TLN2: variants seen among roughly 807,000 people sequenced by gnomAD.
The protein encoded by TLN2 is talin-2.
In TLN2, 118 loss-of-function variants were observed where a neutral mutation model predicts 294.7. The observed-to-expected ratio is 0.40, with a 90% CI of 0.34 to 0.47. The LOEUF (loss-of-function observed/expected upper bound fraction) is 0.47. Ranked by LOEUF, TLN2 falls within the 20% of genes least tolerant of loss-of-function variation. TLN2 has a pLI of 0.84. For synonymous variants in TLN2, 1,431 were observed against 1,304.5 expected, an observed-to-expected ratio of 1.10 and a Z score of -2.09; for missense variants, 3,083 against 3,282.2, an observed-to-expected ratio of 0.94 and a Z score of 1.48.
intron 32 of TLN2, among the ~76,000 whole-genome samples, chr15:62,744,589 C>T (rs1046054418): frequency 1.3e-5 from 2 of 151,920 alleles, no homozygotes; most frequent in Non-Finnish European, 2.9e-5. Context: ...CTCCGTCGCC[C>T]AGGCTGGAGT....
chr15:62,725,162 T>C (rs999345286), intron 27 of TLN2, 58 bp downstream of exon 27: 29 of 1,550,098 alleles, frequency 1.9e-5, no homozygotes, highest in South Asian at 3.6e-5. Flanking sequence ...CGTTATTAAA[T>C]TGTTTGTTGT....
chr15:62,799,459 G>GA (rs2065772393), intron 48 of TLN2, among the ~76,000 whole-genome samples: 1 of 152,198 alleles, frequency 6.6e-6, no homozygotes, highest in Admixed American at 6.5e-5. Context: ...CCGGCACTTT[G>GA]AAAAGATGAT....
rs576618893 is a variant in TLN2, at chr15:62,488,681, A to G, written c.-238+97996A>G. 7.2e-5 allele frequency among the ~76,000 whole-genome samples: 11 copies of G among 152,326 alleles called. No individual in the cohort carries two copies. In the South Asian group the frequency reaches 2.3e-3, roughly 32 times the overall value. Reference sequence around the variant, plus strand: ...AAACGGAAAGCCTTTATAATGTAATATTACTGCCTGAGTGATTATTTTCAG... The same window carrying G: ...AAACGGAAAGCCTTTATAATGTAATGTTACTGCCTGAGTGATTATTTTCAG... On this transcript the variant is annotated intron_variant, in intron 1 of 58. Coordinates refer to ENST00000636159, the MANE Select transcript of TLN2 (RefSeq NM_015059.3).
chr15:62,746,868 A>G (rs1167468763), intron 32 of TLN2, among the ~76,000 whole-genome samples: 1 of 152,178 alleles, frequency 6.6e-6, no homozygotes, highest in African/African-American at 2.4e-5. Flanking sequence ...TCTGCTGCTT[A>G]TTTGTAGCAT....
At chr15:62,703,129 G>C (rs1421381240) in intron 19 of TLN2, among the ~76,000 whole-genome samples, 1 of 148,322 alleles carries the variant, frequency 6.7e-6, no homozygotes, top group Admixed American at 6.7e-5. Flanking sequence ...TTAAATTAGA[G>C]TCTCACTCTG....
At chr15:62,580,994 C>CT (rs2044942878) in intron 1 of TLN2, among the ~76,000 whole-genome samples, 1 of 152,000 alleles carries the variant, frequency 6.6e-6, no homozygotes, top group Non-Finnish European at 1.5e-5. Context: ...AGTGATTCTC[C>CT]TGCCTCAGCT....
rs115692689 is a variant in TLN2 at position 62,472,208 on chromosome 15, C to G, written c.-238+81523C>G. Among the ~76,000 whole-genome samples, 1,334 of 152,262 alleles carry G rather than the reference C, an allele frequency of 8.8e-3. 18 individuals are homozygous for G. Among genetic ancestry groups the G allele is most frequent in the African/African-American group, 0.031 (1,271 of 41,536 alleles). ...CCCACTTTGGGGTCTGTGTGCAAGT[C>G]ATTTTTTCCAGGACCCCTCCCCACA... On this transcript the variant is annotated intron_variant, in intron 1 of 58. Coordinates refer to ENST00000636159, the MANE Select transcript of TLN2 (RefSeq NM_015059.3).
chr15:62,518,786 CAG>C (rs1291619903), intron 1 of TLN2, among the ~76,000 whole-genome samples: 5 of 150,856 alleles, frequency 3.3e-5, no homozygotes, highest in African/African-American at 1.2e-4. Context: ...TTAGTAAAGA[CAG>C]AGTTTCACCG....
Position 62,727,172 on chromosome 15 carries a change from G to T in TLN2, c.3341G>T (p.Gly1114Val). ...MAQLLTCAAQ[G>V]NEHYTGVAAR... ...CAGCTGCTGACCTGTGCTGCTCAAGGCAACGAACACTACACAGGTGAGACC... is the reference window on the plus strand; with the variant it reads ...CAGCTGCTGACCTGTGCTGCTCAAGTCAACGAACACTACACAGGTGAGACC... Residue 1114 changes from glycine to valine, a missense_variant, in exon 28 of 59, where the codon GGC (glycine) becomes GTC (valine). Coordinates refer to ENST00000636159, the MANE Select transcript of TLN2 (RefSeq NM_015059.3). 6.2e-7 allele frequency: 1 copy of T among 1,614,162 alleles called. No homozygotes were observed. Among genetic ancestry groups the T allele is most frequent in the Non-Finnish European group, 8.5e-7 (1 of 1,180,026 alleles).
intron 1 of TLN2, among the ~76,000 whole-genome samples, chr15:62,564,921 A>T (rs373225338): frequency 0.18 from 20,579 of 111,462 alleles, 2,033 homozygotes; most frequent in East Asian, 0.42. Flanking sequence ...AAAAAAAAAA[A>T]AAAAATATAT....
At chr15:62,567,013 GC>G (rs2043457992) in intron 1 of TLN2, among the ~76,000 whole-genome samples, 1 of 152,164 alleles carries the variant, frequency 6.6e-6, no homozygotes, top group Non-Finnish European at 1.5e-5. Flanking sequence ...TTCAGGTTCT[GC>G]CCCATGGCAT....
chr15:62,611,730 A>G (rs1053979982), intron 2 of TLN2, among the ~76,000 whole-genome samples: 6 of 152,108 alleles, frequency 3.9e-5, no homozygotes, highest in Admixed American at 6.5e-5. Context: ...AGTAGCTAAG[A>G]CCATCAGCTT....
chr15:62,580,028 C>T (rs528059703), intron 1 of TLN2, among the ~76,000 whole-genome samples: 16 of 152,324 alleles, frequency 1.1e-4, no homozygotes, highest in African/African-American at 3.6e-4. Context: ...GCTGCTTCCC[C>T]AGGCCAAGCC....
chr15:62,745,260 A>G (rs933314196), intron 32 of TLN2, among the ~76,000 whole-genome samples: 2 of 152,220 alleles, frequency 1.3e-5, no homozygotes, highest in Non-Finnish European at 2.9e-5. Flanking sequence ...GTAAGGTAGC[A>G]TTATGGTTAT....
intron 1 of TLN2, among the ~76,000 whole-genome samples, chr15:62,392,225 T>C (rs1448470370): frequency 6.6e-6 from 1 of 152,208 alleles, no homozygotes; most frequent in Non-Finnish European, 1.5e-5. Flanking sequence ...TTGCTGTCCT[T>C]GAAGAGCTGG....
intron 1 of TLN2, among the ~76,000 whole-genome samples, chr15:62,497,105 G>A (rs948689282): frequency 3.3e-5 from 5 of 152,140 alleles, no homozygotes; most frequent in East Asian, 1.9e-4. Context: ...TCTGACACCC[G>A]TGGGAATGAG....
chr15:62,774,001 C>T (rs1218308716), intron 42 of TLN2, among the ~76,000 whole-genome samples: 1 of 152,142 alleles, frequency 6.6e-6, no homozygotes, highest in Non-Finnish European at 1.5e-5. Context: ...GCAGAGCTCC[C>T]TTCTCCACTC....
chr15:62,429,324 T>C (rs939208227), intron 1 of TLN2, among the ~76,000 whole-genome samples: 1 of 152,192 alleles, frequency 6.6e-6, no homozygotes, highest in African/African-American at 2.4e-5. Flanking sequence ...GATTCATCGG[T>C]TGGTGAAAGC....
chr15:62,711,246 G>T (rs907515295), intron 21 of TLN2, among the ~76,000 whole-genome samples: 8 of 152,074 alleles, frequency 5.3e-5, no homozygotes, highest in Non-Finnish European at 1.0e-4. Flanking sequence ...CTTCCAGAAG[G>T]AAATTAAAAT....
Sources: allele counts gnomAD v4.1 joint callset (sites outside exome capture counted in the v4.1 genomes callset), GRCh38; gene constraint gnomAD v4.1.1; transcripts MANE v1.5; gene names NCBI Gene and HGNC (gene_info 2026-07-23, HGNC 2026-07-21).